The following RALYL variants were observed in gnomAD, a reference collection of about 807,000 sequenced individuals.
The protein encoded by RALYL is RNA-binding Raly-like protein.
In RALYL, 29 loss-of-function variants were observed where a neutral mutation model predicts 35.1. The ratio of observed to expected loss-of-function variants is 0.83; its 90% CI spans 0.61 to 1.13. The LOEUF (loss-of-function observed/expected upper bound fraction) is 1.13. RALYL is among the 50% of genes most tolerant of loss of function. RALYL has a pLI of 0.00. For missense variants in RALYL, 359 were observed against 360.4 expected, an observed-to-expected ratio of 1.00 and a Z score of 0.03; for synonymous variants, 120 against 127.6, an observed-to-expected ratio of 0.94 and a Z score of 0.40.
chr8:84,300,050 T>C (rs1840482765), intron 1 of RALYL, among the ~76,000 whole-genome samples: 1 of 152,100 alleles, frequency 6.6e-6, no homozygotes, highest in South Asian at 2.1e-4. Context: ...TTGAGATCTT[T>C]CTAAATTTTT....
At chr8:84,762,008 G>A (rs1161369119) in intron 2 of RALYL, among the ~76,000 whole-genome samples, 1 of 152,042 alleles carries the variant, frequency 6.6e-6, no homozygotes. Context: ...CATTATCTAT[G>A]GAGAGAGCAG....
intron 8 of RALYL, among the ~76,000 whole-genome samples, chr8:84,905,823 A>G (rs1264354094): frequency 6.6e-6 from 1 of 151,312 alleles, no homozygotes; most frequent in African/African-American, 2.4e-5. Context: ...ATTTTTTTTA[A>G]TTATCCTCAT....
At chr8:84,396,320 T>G (rs1399724069) in intron 1 of RALYL, among the ~76,000 whole-genome samples, 2 of 152,076 alleles carry the variant, frequency 1.3e-5, no homozygotes, top group Non-Finnish European at 2.9e-5. Flanking sequence ...GAAATGAAGC[T>G]GCCTAAAAGA....
intron 1 of RALYL, among the ~76,000 whole-genome samples, chr8:84,274,049 C>T (rs1171996867): frequency 6.6e-6 from 1 of 152,164 alleles, no homozygotes; most frequent in African/African-American, 2.4e-5. Flanking sequence ...GCAAAAAACA[C>T]ATTTTTTTCA....
chr8:84,544,078 A>C (rs2060197524), intron 2 of RALYL, among the ~76,000 whole-genome samples: 1 of 152,054 alleles, frequency 6.6e-6, no homozygotes. Context: ...AGAATATTCC[A>C]GAGAATATTC....
At chr8:84,606,262 CAG>C (rs1817121160) in intron 2 of RALYL, among the ~76,000 whole-genome samples, 1 of 152,092 alleles carries the variant, frequency 6.6e-6, no homozygotes, top group Admixed American at 6.6e-5. Flanking sequence ...TGGTCTGCAG[CAG>C]AGAGTTTACT....
At chr8:84,253,874 C>T (rs1830715912) in intron 1 of RALYL, among the ~76,000 whole-genome samples, 1 of 152,182 alleles carries the variant, frequency 6.6e-6, no homozygotes, top group South Asian at 2.1e-4. Context: ...CTGCCAATCT[C>T]TTATTCCAAC....
chr8:84,421,557 T>G (rs1282661482), intron 1 of RALYL, among the ~76,000 whole-genome samples: 2,827 of 89,908 alleles, frequency 0.031, no homozygotes, highest in South Asian at 0.035. Flanking sequence ...CCTGCCTAAT[T>G]GCCCTGGCCA....
chr8:84,441,368 C>T (rs538270218), intron 1 of RALYL, among the ~76,000 whole-genome samples: 9 of 151,952 alleles, frequency 5.9e-5, no homozygotes, highest in Middle Eastern at 6.8e-3. Context: ...ATTTTGGCCT[C>T]GGAATATATT....
chr8:84,834,513 G>C (rs372900851), intron 4 of RALYL, among the ~76,000 whole-genome samples: 1 of 152,142 alleles, frequency 6.6e-6, no homozygotes, highest in Non-Finnish European at 1.5e-5. Context: ...TGGTAGCTGT[G>C]CCAGAGAATA....
intron 1 of RALYL, among the ~76,000 whole-genome samples, chr8:84,386,084 T>A (rs777996558): frequency 2.0e-5 from 3 of 151,844 alleles, no homozygotes; most frequent in Non-Finnish European, 2.9e-5. Flanking sequence ...GGGTCTTTTC[T>A]GATACTTGAA....
intron 2 of RALYL, among the ~76,000 whole-genome samples, chr8:84,595,571 AT>A (rs1814304877): frequency 6.6e-6 from 1 of 152,120 alleles, no homozygotes; most frequent in Admixed American, 6.6e-5. Context: ...AAAAGTGTGA[AT>A]AACGGGCACT....
At position 84,418,235 on chromosome 8, in the gene RALYL, C is replaced by T. The variant is rs150200458; in HGVS notation, c.-23-111064C>T. Among the ~76,000 whole-genome samples the T allele has an allele frequency of 5.2e-3, 795 of 152,220 alleles. 5 individuals are homozygous for T. The highest frequency in any genetic ancestry group is 0.019 in the South Asian group (90 of 4,828). On this transcript the variant is annotated intron_variant, in intron 1 of 8. Transcript: ENST00000521268. ...TTGTGACTCTGATAGTTACTGATTA[C>T]GGAACCTTGGGCACAGTATTTAACT...
chr8:84,196,999 A>AACATCTTC (rs1815466449), intron 1 of RALYL, among the ~76,000 whole-genome samples: 1 of 152,210 alleles, frequency 6.6e-6, no homozygotes, highest in Non-Finnish European at 1.5e-5. Flanking sequence ...AGAAATTGGT[A>AACATCTTC]ACATCTTCAT....
chr8:84,302,133 T>G (rs73296714), intron 1 of RALYL, among the ~76,000 whole-genome samples: 7,037 of 152,196 alleles, frequency 0.046, 262 homozygotes, highest in African/African-American at 0.083. Flanking sequence ...CTGAGACATA[T>G]AAGGGATGTG....
At chr8:84,884,870 A>G (rs1842716883) in intron 7 of RALYL, among the ~76,000 whole-genome samples, 1 of 152,070 alleles carries the variant, frequency 6.6e-6, no homozygotes. Flanking sequence ...GGCATTTTGA[A>G]CAAGCGGCAG....
chr8:84,783,182 T>A (rs896505824), intron 3 of RALYL, among the ~76,000 whole-genome samples: 1 of 131,998 alleles, frequency 7.6e-6, no homozygotes, highest in Non-Finnish European at 1.6e-5. Context: ...TCTAAATGAA[T>A]CAAATTAAAG....
At chr8:84,660,209 A>C (rs1009962254) in intron 2 of RALYL, among the ~76,000 whole-genome samples, 5 of 152,138 alleles carry the variant, frequency 3.3e-5, no homozygotes, top group Admixed American at 6.5e-5. Flanking sequence ...TATGTACATA[A>C]AGTTGAGAAT....
chr8:84,783,234 C>T (rs1235932837), intron 3 of RALYL, among the ~76,000 whole-genome samples: 1 of 152,156 alleles, frequency 6.6e-6, no homozygotes, highest in Non-Finnish European at 1.5e-5. Context: ...TCTCATCATA[C>T]TGTTGGGGAA....
Sources: gnomAD v4.1 joint callset for allele counts (sites outside exome capture counted in the v4.1 genomes callset) on GRCh38, gnomAD v4.1.1 for gene constraint, MANE v1.5 for transcripts, NCBI Gene and HGNC (gene_info 2026-07-23, HGNC 2026-07-21) for gene names.